Variants in TMEM182 observed in about 807,000 individuals in gnomAD.
TMEM182 encodes the protein transmembrane protein 182.
TMEM182 carries 20 observed loss-of-function variants against 26.8 expected under a neutral mutation model. The observed-to-expected ratio is 0.75, with a 90% CI of 0.53 to 1.09. The LOEUF is 1.09. Ranked by LOEUF, TMEM182 falls within the 50% of genes least tolerant of loss-of-function variation. The pLI is 0.00. For missense variants in TMEM182, 277 were observed against 275.5 expected (o/e 1.01, Z -0.04); for synonymous variants, 109 against 102.2 (o/e 1.07, Z -0.40).
At chr2:102,762,023 G>A (rs1680230331), upstream of TMEM182, 4 of 488,232 alleles carry the variant, frequency 8.2e-6, no homozygotes, top group Non-Finnish European at 1.5e-5. Flanking sequence ...GGCGAGCAAA[G>A]GGAATATGAA....
intron 4 of TMEM182, among the ~76,000 whole-genome samples, chr2:102,807,337 G>GA (rs1682386544): frequency 6.6e-6 from 1 of 152,176 alleles, no homozygotes; most frequent in African/African-American, 2.4e-5. Context: ...GGCTGTGTCA[G>GA]AAAATTGGAG....
downstream of TMEM182, among the ~76,000 whole-genome samples, chr2:102,818,789 T>G (rs1305229390): frequency 6.6e-6 from 1 of 152,224 alleles, no homozygotes; most frequent in Non-Finnish European, 1.5e-5. Context: ...TATCTCTAAA[T>G]TATACAGTTA....
chr2:102,749,117 T>G (rs1172938970), intron 1 of TMEM182, among the ~76,000 whole-genome samples: 1 of 152,196 alleles, frequency 6.6e-6, no homozygotes, highest in Non-Finnish European at 1.5e-5. Flanking sequence ...TTATCTCACT[T>G]TGGTTTACAA....
At chr2:102,829,218 TGGGCAGAAGGCTTAGGG>T (rs1683102693) in intron 3 of TMEM182, among the ~76,000 whole-genome samples, 1 of 152,154 alleles carries the variant, frequency 6.6e-6, no homozygotes, top group Admixed American at 6.5e-5. Flanking sequence ...GGGCTATACG[TGGGCAGAAGGCTTAGGG>T]GACAGTCATG....
intron 3 of TMEM182, among the ~76,000 whole-genome samples, chr2:102,826,008 G>A (rs755775794): frequency 2.7e-4 from 41 of 152,302 alleles, no homozygotes; most frequent in Non-Finnish European, 3.2e-4. Context: ...GCTACATGTT[G>A]AGTTAGTTGC....
intron 3 of TMEM182, among the ~76,000 whole-genome samples, chr2:102,840,238 G>A (rs1683323781): frequency 6.6e-6 from 1 of 152,166 alleles, no homozygotes; most frequent in African/African-American, 2.4e-5. Flanking sequence ...AGGTGGAGGG[G>A]CAAAAGGGAA....
chr2:102,803,271 G>T (rs1481476258), intron 4 of TMEM182, among the ~76,000 whole-genome samples: 3 of 152,190 alleles, frequency 2.0e-5, no homozygotes, highest in Non-Finnish European at 2.9e-5. Context: ...TATGAGCAGG[G>T]CTGATTGGGA....
At chr2:102,764,215 C>A in intron 2 of TMEM182, 114 bp from the exon 3 acceptor site, 2 of 1,001,002 alleles carry the variant, frequency 2.0e-6, no homozygotes, top group South Asian at 1.5e-5. Flanking sequence ...CTGATGGAAC[C>A]AGTAGTTTTG....
intron 3 of TMEM182, among the ~76,000 whole-genome samples, chr2:102,764,997 G>A (rs1206064454): frequency 6.6e-6 from 1 of 151,920 alleles, no homozygotes; most frequent in Non-Finnish European, 1.5e-5. Flanking sequence ...AACTTGCTAA[G>A]GGTTGATACA....
intron 1 of TMEM182, among the ~76,000 whole-genome samples, chr2:102,738,631 T>C (rs1679449299): frequency 6.6e-6 from 1 of 152,090 alleles, no homozygotes; most frequent in South Asian, 2.1e-4. Context: ...TCTGCTAATA[T>C]ATAATCAATG....
chr2:102,799,194 T>C (rs1682007828), intron 4 of TMEM182, among the ~76,000 whole-genome samples: 1 of 152,234 alleles, frequency 6.6e-6, no homozygotes, highest in Non-Finnish European at 1.5e-5. Flanking sequence ...TAGGTGACAC[T>C]GTAGTGACAG....
chr2:102,828,362 G>A (rs1454917378), intron 3 of TMEM182, among the ~76,000 whole-genome samples: 1 of 152,138 alleles, frequency 6.6e-6, no homozygotes, highest in Non-Finnish European at 1.5e-5. Context: ...TCTACTCAGG[G>A]CTGATATGTG....
chr2:102,737,880 A>C (rs1005546014), intron 1 of TMEM182, among the ~76,000 whole-genome samples: 1 of 152,146 alleles, frequency 6.6e-6, no homozygotes, highest in Non-Finnish European at 1.5e-5. Flanking sequence ...TTTTACTGAG[A>C]TTTTGCTCAA....
intron 1 of TMEM182, among the ~76,000 whole-genome samples, chr2:102,749,064 A>G (rs997138826): frequency 5.3e-5 from 8 of 152,214 alleles, no homozygotes; most frequent in African/African-American, 2.4e-5. Flanking sequence ...TTAGTACCCT[A>G]AAATTGGACA....
intron 3 of TMEM182, among the ~76,000 whole-genome samples, chr2:102,791,717 A>G (rs995458227): frequency 5.9e-5 from 9 of 152,212 alleles, no homozygotes; most frequent in African/African-American, 1.9e-4. Context: ...TCCATTGTAA[A>G]TCTTGCTTCA....
intron 4 of TMEM182, among the ~76,000 whole-genome samples, chr2:102,808,717 A>T (rs1008595088): frequency 1.1e-4 from 16 of 152,232 alleles, no homozygotes; most frequent in African/African-American, 3.4e-4. Flanking sequence ...ACAAATTTTG[A>T]TATACTCATA....
intron 3 of TMEM182, among the ~76,000 whole-genome samples, chr2:102,838,059 G>T (rs1283342087): frequency 2.0e-5 from 3 of 152,222 alleles, no homozygotes; most frequent in Non-Finnish European, 4.4e-5. Context: ...CCGGAAGCTG[G>T]CCCTGCCCCA....
At chr2:102,748,103 G>C (rs2104635599) in intron 1 of TMEM182, among the ~76,000 whole-genome samples, 1 of 152,342 alleles carries the variant, frequency 6.6e-6, no homozygotes, top group South Asian at 2.1e-4. Flanking sequence ...GGCAAAGTGA[G>C]AGATGGATAA....
intron 3 of TMEM182, chr2:102,834,500 C>T (rs1683207094): frequency 1.1e-6 from 1 of 898,746 alleles, no homozygotes; most frequent in African/African-American, 1.8e-5. Flanking sequence ...GATGCACCGT[C>T]TCATTTCAAC....
Sources: gnomAD v4.1 joint callset for allele counts (sites outside exome capture counted in the v4.1 genomes callset) on GRCh38, gnomAD v4.1.1 for gene constraint, MANE v1.5 for transcripts, NCBI Gene and HGNC (gene_info 2026-07-23, HGNC 2026-07-21) for gene names.